The following CACNA2D3 variants were observed in gnomAD, a reference collection of about 807,000 sequenced individuals.
CACNA2D3 encodes the protein voltage-dependent calcium channel subunit alpha-2/delta-3.
In CACNA2D3, 60 loss-of-function variants were observed where a neutral mutation model predicts 160.6. The observed-to-expected ratio is 0.37, with a 90% CI of 0.30 to 0.46. The LOEUF is 0.46. Ranked by LOEUF, CACNA2D3 falls within the 20% of genes least tolerant of loss-of-function variation. CACNA2D3 has a pLI of 1.00. For synonymous variants in CACNA2D3, 558 were observed against 492.9 expected, an observed-to-expected ratio of 1.13 and a Z score of -1.75; for missense variants, 1,205 against 1,365.0, an observed-to-expected ratio of 0.88 and a Z score of 1.85.
At chr3:54,654,700 G>C (rs1053041067) in intron 11 of CACNA2D3, among the ~76,000 whole-genome samples, 4 of 152,180 alleles carry the variant, frequency 2.6e-5, no homozygotes, top group Non-Finnish European at 5.9e-5. Context: ...CTGTGGGGAT[G>C]CGAATCAGAC....
At chr3:54,360,150 A>G (rs940530924) in intron 3 of CACNA2D3, among the ~76,000 whole-genome samples, 1 of 152,176 alleles carries the variant, frequency 6.6e-6, no homozygotes, top group African/African-American at 2.4e-5. Flanking sequence ...TCTTTTATGT[A>G]TCATCTTTGC....
intron 11 of CACNA2D3, among the ~76,000 whole-genome samples, chr3:54,670,798 C>G (rs1026356957): frequency 6.6e-6 from 1 of 152,140 alleles, no homozygotes; most frequent in Admixed American, 6.5e-5. Context: ...TGTGGACCTG[C>G]TTACTTTGAT....
chr3:54,952,035 G>C (rs548427638), intron 27 of CACNA2D3, among the ~76,000 whole-genome samples: 1 of 152,112 alleles, frequency 6.6e-6, no homozygotes, highest in Admixed American at 6.5e-5. Flanking sequence ...TTTTAGTAGA[G>C]ATGGCATTTC....
chr3:54,485,298 G>C (rs921036485), intron 4 of CACNA2D3, among the ~76,000 whole-genome samples: 1 of 152,150 alleles, frequency 6.6e-6, no homozygotes, highest in African/African-American at 2.4e-5. Flanking sequence ...TTCACATTTT[G>C]CCACTCAGTT....
At chr3:54,824,740 G>T (rs993242998) in intron 14 of CACNA2D3, among the ~76,000 whole-genome samples, 1 of 152,156 alleles carries the variant, frequency 6.6e-6, no homozygotes, top group Admixed American at 6.5e-5. Flanking sequence ...TACAGGAGCA[G>T]CACCTGCTCA....
At chr3:54,499,633 A>T (rs1296615579) in intron 4 of CACNA2D3, among the ~76,000 whole-genome samples, 1 of 152,110 alleles carries the variant, frequency 6.6e-6, no homozygotes, top group East Asian at 1.9e-4. Flanking sequence ...TAAAAAAATT[A>T]TCTTGAGAAT....
At chr3:55,051,324 A>G (rs981496051) in intron 35 of CACNA2D3, among the ~76,000 whole-genome samples, 3 of 152,032 alleles carry the variant, frequency 2.0e-5, no homozygotes, top group Admixed American at 6.5e-5. Flanking sequence ...CTTCTAACAG[A>G]GGGGACCCTC....
At chr3:54,891,817 A>C (rs1700076412) in intron 25 of CACNA2D3, among the ~76,000 whole-genome samples, 1 of 152,222 alleles carries the variant, frequency 6.6e-6, no homozygotes, top group Admixed American at 6.5e-5. Context: ...GCTGTTCTGC[A>C]GCTATGCTGA....
chr3:54,855,117 C>T (rs1315646401), intron 17 of CACNA2D3, among the ~76,000 whole-genome samples: 2 of 152,282 alleles, frequency 1.3e-5, no homozygotes, highest in African/African-American at 4.8e-5. Context: ...CTAGGATGCC[C>T]ACCTGTATGG....
chr3:54,230,572 A>G (rs1701750197), intron 2 of CACNA2D3, among the ~76,000 whole-genome samples: 1 of 152,224 alleles, frequency 6.6e-6, no homozygotes, highest in South Asian at 2.1e-4. Context: ...AGGGGATTCT[A>G]AAGGCAAACT....
intron 9 of CACNA2D3, among the ~76,000 whole-genome samples, chr3:54,621,812 T>C (rs974609798): frequency 2.0e-5 from 3 of 152,216 alleles, no homozygotes; most frequent in African/African-American, 7.2e-5. Flanking sequence ...GATTATAAAG[T>C]TGCAACCCAG....
At chr3:54,592,603 G>A (rs1447634335) in intron 9 of CACNA2D3, among the ~76,000 whole-genome samples, 1 of 152,272 alleles carries the variant, frequency 6.6e-6, no homozygotes, top group Non-Finnish European at 1.5e-5. Context: ...CCTGTGGTCT[G>A]TCTTGGGGGA....
chr3:55,038,177 G>A (rs1703872389), intron 35 of CACNA2D3, among the ~76,000 whole-genome samples: 1 of 152,132 alleles, frequency 6.6e-6, no homozygotes, highest in South Asian at 2.1e-4. Flanking sequence ...TTTGGTTGTG[G>A]TACCTAGAAC....
chr3:54,378,332 G>A (rs1699043994), intron 3 of CACNA2D3, among the ~76,000 whole-genome samples: 1 of 152,176 alleles, frequency 6.6e-6, no homozygotes, highest in African/African-American at 2.4e-5. Context: ...GTTCACAATA[G>A]AGTTCATGCT....
At chr3:54,520,733 A>G (rs536989807) in intron 5 of CACNA2D3, among the ~76,000 whole-genome samples, 1 of 152,310 alleles carries the variant, frequency 6.6e-6, no homozygotes, top group African/African-American at 2.4e-5. Context: ...ATCACCGCAC[A>G]AAGAAACCCT....
At chr3:54,132,262 T>C (rs1699728226) in intron 2 of CACNA2D3, among the ~76,000 whole-genome samples, 1 of 152,250 alleles carries the variant, frequency 6.6e-6, no homozygotes, top group South Asian at 2.1e-4. Context: ...AATGCTATTG[T>C]CATTTGCTTT....
intron 11 of CACNA2D3, among the ~76,000 whole-genome samples, chr3:54,679,266 G>T (rs1356883664): frequency 2.6e-5 from 4 of 152,186 alleles, no homozygotes; most frequent in African/African-American, 9.7e-5. Flanking sequence ...GCTCTTTAGG[G>T]CTGCAAAGAC....
chr3:54,248,481 CA>C (rs577393882), intron 2 of CACNA2D3, among the ~76,000 whole-genome samples: 713 of 44,392 alleles, frequency 0.016, 2 homozygotes, highest in Middle Eastern at 0.049. Flanking sequence ...AACTCCATCT[CA>C]AAAAAAAAAA....
chr3:54,578,544 G>A (rs1025553650), intron 8 of CACNA2D3, among the ~76,000 whole-genome samples: 3 of 152,238 alleles, frequency 2.0e-5, no homozygotes, highest in Non-Finnish European at 4.4e-5. Flanking sequence ...GCAGGCCTTA[G>A]TACAGCTGCC....
Sources: gnomAD v4.1 joint callset for allele counts (sites outside exome capture counted in the v4.1 genomes callset) on GRCh38, gnomAD v4.1.1 for gene constraint, MANE v1.5 for transcripts, NCBI Gene and HGNC (gene_info 2026-07-23, HGNC 2026-07-21) for gene names.